The following SERF2 variants were observed in gnomAD, a reference collection of about 807,000 sequenced individuals.
SERF2 encodes the protein gastric cancer-related protein VRG107.
In SERF2, 4 loss-of-function variants were observed where a neutral mutation model predicts 10.7. The ratio of observed to expected loss-of-function variants is 0.37; its 90% CI spans 0.18 to 0.86. The LOEUF (loss-of-function observed/expected upper bound fraction) is 0.86, where lower values mean the gene tolerates loss of function less well. Among genes scored for constraint, SERF2 ranks in the 40% least tolerant of loss-of-function variants. SERF2 has a pLI of 0.43. For missense variants in SERF2, 47 were observed against 79.1 expected (o/e 0.59, Z 1.54); for synonymous variants, 26 against 26.0 (o/e 1.00, Z 0.01).
upstream of SERF2, among the ~76,000 whole-genome samples, chr15:43,790,153 A>C (rs1009363506): frequency 6.6e-6 from 1 of 151,380 alleles, no homozygotes; most frequent in Non-Finnish European, 1.5e-5. Context: ...AAAAAAAAAA[A>C]AAAAAATTAT....
At chr15:43,790,281 C>T (rs2087043628), upstream of SERF2, among the ~76,000 whole-genome samples, 1 of 151,498 alleles carries the variant, frequency 6.6e-6, no homozygotes, top group South Asian at 2.1e-4. Context: ...CTCCAGCCTC[C>T]AGCCTGGGTA....
At chr15:43,784,311 A>T (rs2086988021) in intron 1 of SERF2, among the ~76,000 whole-genome samples, 1 of 151,958 alleles carries the variant, frequency 6.6e-6, no homozygotes, top group Admixed American at 6.6e-5. Context: ...CTGATTCTTC[A>T]TCCTTTGTAT....
At chr15:43,780,945 G>C (rs2086959497) in intron 1 of SERF2, among the ~76,000 whole-genome samples, 1 of 152,024 alleles carries the variant, frequency 6.6e-6, no homozygotes, top group Admixed American at 6.6e-5. Flanking sequence ...CTCAGCATAA[G>C]ATTTTTTTTT....
chr15:43,787,227 C>T (rs566274137), intron 2 of SERF2, among the ~76,000 whole-genome samples: 174 of 152,126 alleles, frequency 1.1e-3, no homozygotes, highest in Non-Finnish European at 1.9e-3. Context: ...TCTTGATCTC[C>T]TGACCTCATG....
intron 1 of SERF2, among the ~76,000 whole-genome samples, chr15:43,782,218 C>G (rs937134184): frequency 6.6e-6 from 1 of 152,162 alleles, no homozygotes; most frequent in Non-Finnish European, 1.5e-5. Flanking sequence ...GAGGATTTAA[C>G]TCTCATCTGC....
At chr15:43,779,639 G>A (rs755500886) in intron 1 of SERF2, among the ~76,000 whole-genome samples, 26 of 151,848 alleles carry the variant, frequency 1.7e-4, no homozygotes, top group Admixed American at 1.1e-3. Flanking sequence ...CTACAGGAGC[G>A]TGCCACCATA....
At chr15:43,784,106 T>G (rs978502874) in intron 1 of SERF2, among the ~76,000 whole-genome samples, 3 of 151,780 alleles carry the variant, frequency 2.0e-5, no homozygotes, top group Non-Finnish European at 4.4e-5. Flanking sequence ...TTTTAAAAGT[T>G]TTGTAGAGAT....
At chr15:43,788,037 G>A (rs1288404854), upstream of SERF2, among the ~76,000 whole-genome samples, 3 of 151,906 alleles carry the variant, frequency 2.0e-5, no homozygotes, top group African/African-American at 4.8e-5. Flanking sequence ...ACCATGCCTG[G>A]CTAATTTTTG....
In SERF2 at chr15:43,794,075, G is replaced by A. The variant is rs758876324; in HGVS notation, c.*302G>A. 1.4e-5 allele frequency: 16 copies of A among 1,155,762 alleles called. No individual in the cohort carries two copies. Among genetic ancestry groups the A allele is most frequent in the Non-Finnish European group, 1.8e-5 (15 of 847,114 alleles). 71.6% of individuals were successfully genotyped at this position (1,155,762 alleles called of 1,614,324 possible). A position where few individuals can be genotyped will look rare whatever the true frequency, so the allele number is the denominator to read the frequency against. On this transcript the variant is annotated 3_prime_UTR_variant, in exon 3 of 3. Coordinates refer to ENST00000249786, the MANE Select transcript of SERF2 (RefSeq NM_001018108.4). ...GAGCGCCTGGTTTGACTGGGGACTT[G>A]GGGGGATGGGGTTGGAAGAATGACT...
chr15:43,795,635 A>C lies in SERF2; in HGVS notation c.*1862A>C. On this transcript the variant is annotated 3_prime_UTR_variant, in exon 3 of 3. Transcript: ENST00000249786. ...TTTGTTAAGGCTCTTGAGGGTTCTTATGGCACTCCACAGAGATCTACCACT... is the reference window on the plus strand; with the variant it reads ...TTTGTTAAGGCTCTTGAGGGTTCTTCTGGCACTCCACAGAGATCTACCACT... 6.2e-7 allele frequency: 1 copy of C among 1,610,256 alleles called. No homozygotes were observed. Among genetic ancestry groups the C allele is most frequent in the Non-Finnish European group, 8.5e-7 (1 of 1,177,120 alleles).
At chr15:43,792,293 T>A, upstream of SERF2, 1 of 1,199,698 alleles carries the variant, frequency 8.3e-7, no homozygotes, top group Non-Finnish European at 1.2e-6. Flanking sequence ...ACGACTGTGC[T>A]ACGTTGCCAG....
rs750832376 is a variant in SERF2 at position 43,793,030 on chromosome 15, G to A, written c.63G>A (p.Ser21=). 3.7e-6 allele frequency: 6 copies of A among 1,613,210 alleles called. No individual in the cohort carries two copies. The highest frequency in any genetic ancestry group is 5.1e-6 in the Non-Finnish European group (6 of 1,179,320). The change falls in exon 2 of 3, where the codon TCG becomes TCA. Residue 21 remains serine, a synonymous_variant. Transcript: ENST00000249786. The stretch of plus-strand genomic sequence containing the variant: ...AGAATATGAAAAAGCAGAGCGACTC[G>A]GTTAAGGGAAAGCGCCGAGATGACG... ...RQKNMKKQSD[S]VKGKRRDDGL...
rs2087179364 is a variant in SERF2 at position 43,795,212 on chromosome 15, A to G, written c.*1439A>G. On this transcript the variant is annotated 3_prime_UTR_variant, in exon 3 of 3. Transcript: ENST00000249786. Reference sequence around the variant, plus strand: ...GTCTTTTCCAGTTCTGCTCCCTCATAGCTGTGTAACCAAAGGCTCTGGTTA... The same window carrying G: ...GTCTTTTCCAGTTCTGCTCCCTCATGGCTGTGTAACCAAAGGCTCTGGTTA... 1 of 1,613,994 alleles carries G rather than the reference A, an allele frequency of 6.2e-7. No homozygotes were observed.
chr15:43,792,934 A>G (rs1476943196), intron 1 of SERF2, 41 bp from the exon 2 acceptor site: 2 of 1,429,444 alleles, frequency 1.4e-6, no homozygotes, highest in Admixed American at 1.9e-5. Context: ...GTGTGTGGGC[A>G]GAGCGGCCCC....
chr15:43,795,888 G>T lies in SERF2; in HGVS notation c.*2115G>T. 1 of 746,284 alleles carries T rather than the reference G, an allele frequency of 1.3e-6. No individual in the cohort carries two copies. The highest frequency in any genetic ancestry group is 2.2e-6 in the Non-Finnish European group (1 of 463,550). The allele number at this position is 746,284 out of a possible 1,614,324, so 46.2% of individuals were successfully genotyped here. On this transcript the variant is annotated 3_prime_UTR_variant, in exon 3 of 3. Coordinates refer to ENST00000249786, the MANE Select transcript of SERF2 (RefSeq NM_001018108.4). The stretch of plus-strand genomic sequence containing the variant: ...GCTCCAGCATATAAGTGGCTGTGCA[G>T]ACTTTGGTAAGATGTTTAATCTTTT...
In SERF2 at chr15:43,795,151, T is replaced by C; in HGVS notation, c.*1378T>C. ...TACGCAGGCCCAGCATGAGGCAACC[T>C]TGACCCAGAAGGTGGCCCAGCTACC... On this transcript the variant is annotated 3_prime_UTR_variant, in exon 3 of 3. Transcript: ENST00000249786. 1 of 1,614,156 alleles carries C rather than the reference T, an allele frequency of 6.2e-7. No individual in the cohort carries two copies. Among genetic ancestry groups the C allele is most frequent in the Non-Finnish European group, 8.5e-7 (1 of 1,180,030 alleles).
chr15:43,792,957 TTA>T lies in SERF2; in HGVS notation c.8-17_8-16del. ...GCAGAGCGGCCCCCGCGTCTCACCT[TTA>T]ATTTTCTTTCCTTAGGCGGTAACCA... On this transcript the variant is annotated splice_polypyrimidine_tract_variant and intron_variant, in intron 1 of 2. Transcript: ENST00000249786. 1.9e-6 allele frequency: 3 copies of T among 1,581,310 alleles called. No individual in the cohort carries two copies. Among genetic ancestry groups the T allele is most frequent in the Non-Finnish European group, 2.6e-6 (3 of 1,157,882 alleles).
chr15:43,792,129 G>C, upstream of SERF2: 2 of 505,526 alleles, frequency 4.0e-6, no homozygotes, highest in South Asian at 2.0e-5. Flanking sequence ...CCGTCCCTAC[G>C]TCTCACTCGG....
rs2087162945 is a variant in SERF2 at position 43,794,789 on chromosome 15, A to G, written c.*1016A>G. 2.3e-5 allele frequency: 12 copies of G among 529,700 alleles called. No individual in the cohort carries two copies. In the South Asian group the frequency reaches 3.3e-4, roughly 15 times the overall value. The allele number at this position is 529,700 out of a possible 1,614,324, so 32.8% of individuals were successfully genotyped here. On this transcript the variant is annotated 3_prime_UTR_variant, in exon 3 of 3. Coordinates refer to ENST00000249786, the MANE Select transcript of SERF2 (RefSeq NM_001018108.4). ...TTGGGTGTTAGGCTCTTGAGCTGGG[A>G]TGCAGATGTAACAGTAGCTCCAGTG...
Sources: allele counts gnomAD v4.1 joint callset (sites outside exome capture counted in the v4.1 genomes callset), GRCh38; gene constraint gnomAD v4.1.1; transcripts MANE v1.5; gene names NCBI Gene and HGNC (gene_info 2026-07-23, HGNC 2026-07-21).